The following HS6ST3 variants were observed in gnomAD, a reference collection of about 807,000 sequenced individuals.
The protein encoded by HS6ST3 is heparan sulfate 6-O-sulfotransferase 3, also known as heparan-sulfate 6-O-sulfotransferase 3.
A neutral mutation model predicts 36.7 loss-of-function variants in HS6ST3; 12 were observed. That is an observed-to-expected ratio of 0.33 (90% CI 0.21 to 0.53). The LOEUF (loss-of-function observed/expected upper bound fraction) is 0.53. Ranked by LOEUF, HS6ST3 falls within the 20% of genes least tolerant of loss-of-function variation. The pLI is 0.95. For synonymous variants in HS6ST3, 240 were observed against 257.5 expected, an observed-to-expected ratio of 0.93 and a Z score of 0.65; for missense variants, 584 against 640.9, an observed-to-expected ratio of 0.91 and a Z score of 0.96.
At chr13:96,741,334 C>T (rs1295321003) in intron 1 of HS6ST3, among the ~76,000 whole-genome samples, 2 of 152,188 alleles carry the variant, frequency 1.3e-5, no homozygotes, top group Non-Finnish European at 2.9e-5. Context: ...CTTGGTACAA[C>T]TTCATAGGAT....
intron 1 of HS6ST3, among the ~76,000 whole-genome samples, chr13:96,453,182 A>T (rs1362528174): frequency 6.9e-6 from 1 of 145,522 alleles, no homozygotes; most frequent in Non-Finnish European, 1.5e-5. Flanking sequence ...GCTCTTTTTA[A>T]AAAAAAAAAA....
At chr13:96,341,479 C>A (rs960707333) in intron 1 of HS6ST3, among the ~76,000 whole-genome samples, 3 of 152,030 alleles carry the variant, frequency 2.0e-5, no homozygotes, top group African/African-American at 7.3e-5. Context: ...ATATTACATA[C>A]AAATTCCTTA....
intron 1 of HS6ST3, among the ~76,000 whole-genome samples, chr13:96,625,941 C>G (rs1479268617): frequency 6.6e-6 from 1 of 151,716 alleles, no homozygotes; most frequent in African/African-American, 2.4e-5. Context: ...CCCAGGTTCA[C>G]GCCATTCTCC....
intron 1 of HS6ST3, among the ~76,000 whole-genome samples, chr13:96,150,528 G>A (rs568038001): frequency 1.3e-5 from 2 of 152,042 alleles, no homozygotes; most frequent in African/African-American, 2.4e-5. Context: ...AATATTTACA[G>A]TTTAAAAAAA....
chr13:96,701,697 C>T (rs982490762), intron 1 of HS6ST3, among the ~76,000 whole-genome samples: 2 of 152,222 alleles, frequency 1.3e-5, no homozygotes, highest in African/African-American at 4.8e-5. Context: ...CGGTGTCTCA[C>T]GCCTGTAGTC....
At chr13:96,203,319 C>T (rs992578334) in intron 1 of HS6ST3, among the ~76,000 whole-genome samples, 7 of 152,160 alleles carry the variant, frequency 4.6e-5, no homozygotes, top group African/African-American at 1.7e-4. Flanking sequence ...GGCCTTCTCT[C>T]TGTGTCCTTA....
chr13:96,638,093 C>T (rs2056556175), intron 1 of HS6ST3, among the ~76,000 whole-genome samples: 2 of 152,094 alleles, frequency 1.3e-5, no homozygotes, highest in Admixed American at 1.3e-4. Context: ...GAGAGGATTC[C>T]TACTACTTGG....
chr13:96,720,347 C>T (rs139401308), intron 1 of HS6ST3, among the ~76,000 whole-genome samples: 3 of 152,294 alleles, frequency 2.0e-5, no homozygotes, highest in East Asian at 1.9e-4. Flanking sequence ...AAGGGAGAGA[C>T]TAAACCTACA....
intron 1 of HS6ST3, among the ~76,000 whole-genome samples, chr13:96,356,565 G>A (rs2055211263): frequency 6.6e-6 from 1 of 152,142 alleles, no homozygotes; most frequent in Non-Finnish European, 1.5e-5. Flanking sequence ...GTAATCATTT[G>A]AAATGAATCA....
chr13:96,677,129 T>C (rs2056701342), intron 1 of HS6ST3, among the ~76,000 whole-genome samples: 1 of 152,120 alleles, frequency 6.6e-6, no homozygotes, highest in Non-Finnish European at 1.5e-5. Flanking sequence ...AATTGGAACT[T>C]AGGTTACATT....
intron 1 of HS6ST3, among the ~76,000 whole-genome samples, chr13:96,568,478 G>A (rs2056289650): frequency 6.6e-6 from 1 of 152,140 alleles, no homozygotes; most frequent in Admixed American, 6.5e-5. Context: ...TGTTGGTCAG[G>A]CTGGTCCTGA....
chr13:96,246,857 G>C (rs752758942), intron 1 of HS6ST3, among the ~76,000 whole-genome samples: 1 of 152,156 alleles, frequency 6.6e-6, no homozygotes, highest in Non-Finnish European at 1.5e-5. Context: ...TAGTGTAAAA[G>C]ATGTGACAGG....
intron 1 of HS6ST3, among the ~76,000 whole-genome samples, chr13:96,443,721 G>A (rs1421758531): frequency 6.6e-6 from 1 of 152,200 alleles, no homozygotes; most frequent in Admixed American, 6.5e-5. Context: ...ATGTAGAAGA[G>A]TGTCTGAACC....
chr13:96,739,688 A>T (rs560384158), intron 1 of HS6ST3, among the ~76,000 whole-genome samples: 16 of 152,250 alleles, frequency 1.1e-4, no homozygotes, highest in Non-Finnish European at 2.2e-4. Flanking sequence ...TTTTGACCAT[A>T]TAATTGCAAT....
At chr13:96,250,431 A>G (rs751852368) in intron 1 of HS6ST3, among the ~76,000 whole-genome samples, 3 of 152,206 alleles carry the variant, frequency 2.0e-5, no homozygotes, top group African/African-American at 4.8e-5. Flanking sequence ...TCCAATGACA[A>G]GTGTCCTAGT....
At chr13:96,665,710 C>T (rs2056661461) in intron 1 of HS6ST3, among the ~76,000 whole-genome samples, 1 of 152,074 alleles carries the variant, frequency 6.6e-6, no homozygotes, top group Non-Finnish European at 1.5e-5. Context: ...GGCTTTGTGG[C>T]ATGGTGTGAT....
At chr13:96,814,854 A>G (rs897836196) in intron 1 of HS6ST3, among the ~76,000 whole-genome samples, 2 of 152,166 alleles carry the variant, frequency 1.3e-5, no homozygotes, top group Admixed American at 6.5e-5. Flanking sequence ...GGTTTAATAG[A>G]TCACATAATG....
rs546551514 is a variant in HS6ST3, at chr13:96,768,045, G to C, written c.708-64445G>C. 2.0e-5 allele frequency among the ~76,000 whole-genome samples: 3 copies of C among 152,226 alleles called. No individual in the cohort carries two copies. The South Asian group carries it at 6.2e-4, about 32-fold the overall frequency. On this transcript the variant is annotated intron_variant, in intron 1 of 1. Transcript: ENST00000376705. The stretch of plus-strand genomic sequence containing the variant: ...AACTGGAAAGAAAAGCATCCCTAAG[G>C]TCATACCACCTTGTTTTCTTTTCTG...
intron 1 of HS6ST3, among the ~76,000 whole-genome samples, chr13:96,737,586 C>T (rs943000434): frequency 5.9e-4 from 81 of 137,448 alleles, no homozygotes; most frequent in African/African-American, 2.0e-3. Flanking sequence ...GATTGCGCCA[C>T]TGCAGTCCGC....
Sources: gnomAD v4.1 joint callset for allele counts (sites outside exome capture counted in the v4.1 genomes callset) on GRCh38, gnomAD v4.1.1 for gene constraint, MANE v1.5 for transcripts, NCBI Gene and HGNC (gene_info 2026-07-23, HGNC 2026-07-21) for gene names.